Variants in ANKRD55 observed in about 807,000 individuals in gnomAD.
ANKRD55 encodes ankyrin repeat domain-containing protein 55.
Under a neutral mutation model 60.6 loss-of-function variants are expected in ANKRD55, and 41 were observed. The ratio of observed to expected loss-of-function variants is 0.68; its 90% CI spans 0.53 to 0.88. ANKRD55 has a LOEUF of 0.88. ANKRD55 is among the 40% of genes least tolerant of loss of function. The pLI, the probability that ANKRD55 is intolerant of heterozygous loss-of-function variation, is 0.00. For missense variants in ANKRD55, 732 were observed against 767.6 expected (o/e 0.95, Z 0.55); for synonymous variants, 264 against 290.3 (o/e 0.91, Z 0.92).
intron 7 of ANKRD55, among the ~76,000 whole-genome samples, chr5:56,138,596 T>A (rs1243395090): frequency 6.6e-6 from 1 of 152,256 alleles, no homozygotes; most frequent in East Asian, 1.9e-4. Flanking sequence ...AACCAATATG[T>A]CCTTGCATAG....
chr5:56,196,237 G>A (rs1759225048), intron 2 of ANKRD55, among the ~76,000 whole-genome samples: 1 of 152,160 alleles, frequency 6.6e-6, no homozygotes, highest in South Asian at 2.1e-4. Context: ...TTAAATAAAT[G>A]TAAGGTTCTT....
chr5:56,203,227 C>A (rs1759420213), intron 2 of ANKRD55, among the ~76,000 whole-genome samples: 1 of 152,152 alleles, frequency 6.6e-6, no homozygotes, highest in Admixed American at 6.6e-5. Flanking sequence ...ATTGTAATCC[C>A]TACATGTTGG....
intron 8 of ANKRD55, among the ~76,000 whole-genome samples, chr5:56,125,246 A>G (rs1319563421): frequency 2.7e-5 from 4 of 150,874 alleles, no homozygotes; most frequent in African/African-American, 9.7e-5. Context: ...TAGGATCAAC[A>G]TCTGCTCTTA....
intron 2 of ANKRD55, among the ~76,000 whole-genome samples, chr5:56,212,815 A>G (rs974915751): frequency 9.9e-5 from 15 of 152,246 alleles, no homozygotes; most frequent in African/African-American, 3.4e-4. Flanking sequence ...CAGACAGCAC[A>G]TGGGAATTAT....
intron 8 of ANKRD55, among the ~76,000 whole-genome samples, chr5:56,121,942 T>C (rs1178301022): frequency 1.3e-5 from 2 of 152,228 alleles, no homozygotes; most frequent in Non-Finnish European, 2.9e-5. Flanking sequence ...AGGTCAAGGC[T>C]TGGCTTTGTC....
intron 2 of ANKRD55, among the ~76,000 whole-genome samples, chr5:56,187,364 G>A (rs1488084460): frequency 6.6e-6 from 1 of 152,228 alleles, no homozygotes; most frequent in African/African-American, 2.4e-5. Context: ...TATTGTCTGA[G>A]AGCACAGCGG....
At chr5:56,132,898 C>T (rs1210999194) in intron 7 of ANKRD55, among the ~76,000 whole-genome samples, 3 of 151,966 alleles carry the variant, frequency 2.0e-5, no homozygotes, top group African/African-American at 7.3e-5. Context: ...GTGCAGACTA[C>T]AAAACAAAGA....
At chr5:56,225,156 C>G (rs927957068) in intron 2 of ANKRD55, among the ~76,000 whole-genome samples, 7 of 152,130 alleles carry the variant, frequency 4.6e-5, no homozygotes, top group African/African-American at 1.7e-4. Context: ...GGCTTCATCC[C>G]TGGGATGCAA....
chr5:56,118,575 G>C (rs1756946497), intron 8 of ANKRD55, among the ~76,000 whole-genome samples: 1 of 151,962 alleles, frequency 6.6e-6, no homozygotes, highest in Admixed American at 6.6e-5. Context: ...AGTGAGCCGA[G>C]ATCATGCCAC....
Position 56,166,138 on chromosome 5 carries a change from CT to C in ANKRD55, c.422+4555del, listed in dbSNP as rs1434246168. The stretch of plus-strand genomic sequence containing the variant: ...TCTTTCTTTCTTTCTTTCTTTCTTT[CT>C]TTCTTTCTTTCTTTCTTCTTTCCTT... On this transcript the variant is annotated intron_variant, in intron 5 of 11. Transcript: ENST00000341048. Among the ~76,000 whole-genome samples the C allele has an allele frequency of 7.0e-3, 693 of 98,984 alleles. 29 individuals carry two copies. The highest frequency in any genetic ancestry group is 0.033 in the African/African-American group (599 of 18,032). The allele number at this position is 98,984 out of a possible 152,430, so 64.9% of individuals were successfully genotyped here. A position where few individuals can be genotyped will look rare whatever the true frequency, so the allele number is the denominator to read the frequency against.
chr5:56,152,972 TAAGAA>T (rs1758093330), intron 6 of ANKRD55, among the ~76,000 whole-genome samples: 1 of 152,062 alleles, frequency 6.6e-6, no homozygotes, highest in African/African-American at 2.4e-5. Context: ...CATTTCTGAA[TAAGAA>T]AAGGTACTAT....
Position 56,137,006 on chromosome 5 carries a change from A to G in ANKRD55, c.612+6795T>C. The G allele has an allele frequency of 2.9e-6, 2 of 687,266 alleles. 1 individual carries two copies. 42.6% of individuals were successfully genotyped at this position (687,266 alleles called of 1,614,324 possible). On this transcript the variant is annotated intron_variant, in intron 7 of 11. Transcript: ENST00000341048. ...GATTCGCTCTTCACTTGACCCAGAGAGCCCCACAAAATCATGCAAATCAAG... is the reference window on the plus strand; with the variant it reads ...GATTCGCTCTTCACTTGACCCAGAGGGCCCCACAAAATCATGCAAATCAAG...
intron 2 of ANKRD55, among the ~76,000 whole-genome samples, chr5:56,216,916 C>T (rs970088925): frequency 2.0e-5 from 3 of 152,194 alleles, no homozygotes; most frequent in Admixed American, 1.3e-4. Context: ...CATTGATGAA[C>T]GTGGCTATAG....
intron 7 of ANKRD55, among the ~76,000 whole-genome samples, chr5:56,137,781 A>G (rs573036188): frequency 6.6e-6 from 1 of 152,344 alleles, no homozygotes; most frequent in South Asian, 2.1e-4. Flanking sequence ...AGACGTATCT[A>G]ATAAAAGACT....
intron 5 of ANKRD55, 75 bp downstream of exon 5, chr5:56,170,619 G>A: frequency 4.1e-6 from 5 of 1,211,138 alleles, no homozygotes; most frequent in Non-Finnish European, 6.1e-6. Context: ...CAGCCACAGA[G>A]GGATGGATTA....
chr5:56,179,378 A>T (rs1167834747), intron 3 of ANKRD55, among the ~76,000 whole-genome samples: 1 of 152,188 alleles, frequency 6.6e-6, no homozygotes, highest in African/African-American at 2.4e-5. Context: ...AAAAGGAAAG[A>T]TATACACCAG....
At chr5:56,158,048 G>A (rs929221505) in intron 6 of ANKRD55, among the ~76,000 whole-genome samples, 1 of 152,134 alleles carries the variant, frequency 6.6e-6, no homozygotes, top group Non-Finnish European at 1.5e-5. Flanking sequence ...GAGCATAGTG[G>A]TGCACACCTG....
At chr5:56,199,585 A>T (rs72749955) in intron 2 of ANKRD55, among the ~76,000 whole-genome samples, 28 of 91,312 alleles carry the variant, frequency 3.1e-4, no homozygotes, top group South Asian at 8.4e-4. Context: ...GTTCAAAGTT[A>T]AAAAAAAAAA....
chr5:56,117,636 T>G (rs1222861323), intron 8 of ANKRD55, among the ~76,000 whole-genome samples: 1 of 152,102 alleles, frequency 6.6e-6, no homozygotes, highest in Admixed American at 6.5e-5. Flanking sequence ...GTATTTTTAG[T>G]AGAGACGGGG....
Sources: gnomAD v4.1 joint callset for allele counts (sites outside exome capture counted in the v4.1 genomes callset) on GRCh38, gnomAD v4.1.1 for gene constraint, MANE v1.5 for transcripts, NCBI Gene and HGNC (gene_info 2026-07-23, HGNC 2026-07-21) for gene names.